Variants in LRP1B observed in about 807,000 individuals in gnomAD.
LRP1B encodes LDL receptor related protein 1B.
LRP1B carries 217 observed loss-of-function variants against 556.6 expected under a neutral mutation model. The observed-to-expected ratio is 0.39, with a 90% CI of 0.35 to 0.44. The LOEUF is 0.44. LRP1B is among the 20% of genes least tolerant of loss of function. The pLI is 1.00. For synonymous variants in LRP1B, 2,047 were observed against 1,865.8 expected, an observed-to-expected ratio of 1.10 and a Z score of -2.50; for missense variants, 5,053 against 5,620.8, an observed-to-expected ratio of 0.90 and a Z score of 3.23.
intron 3 of LRP1B, among the ~76,000 whole-genome samples, chr2:141,362,032 A>G (rs1485631793): frequency 6.6e-6 from 1 of 152,222 alleles, no homozygotes; most frequent in Non-Finnish European, 1.5e-5. Context: ...GGAATATTTA[A>G]TAGCTTCAAG....
chr2:140,487,471 G>T (rs1481846615), intron 58 of LRP1B, 146 bp downstream of exon 58: 8 of 610,496 alleles, frequency 1.3e-5, no homozygotes, highest in Non-Finnish European at 2.2e-5. Flanking sequence ...CATATTTAAA[G>T]TTTTAATCAC....
chr2:140,537,436 C>T (rs1447186515), intron 45 of LRP1B, among the ~76,000 whole-genome samples: 1 of 151,876 alleles, frequency 6.6e-6, no homozygotes, highest in Non-Finnish European at 1.5e-5. Context: ...TCTGGTCTTC[C>T]TCCCTAACTA....
At chr2:141,425,952 T>C (rs1050161432) in intron 3 of LRP1B, among the ~76,000 whole-genome samples, 1 of 149,960 alleles carries the variant, frequency 6.7e-6, no homozygotes, top group Non-Finnish European at 1.5e-5. Context: ...ATTTTGGCTT[T>C]TGTTGCCATT....
intron 35 of LRP1B, among the ~76,000 whole-genome samples, chr2:140,725,704 A>C (rs554888755): frequency 1.4e-4 from 21 of 151,868 alleles, no homozygotes; most frequent in South Asian, 1.2e-3. Context: ...AATAAATAAA[A>C]AAATAAATAA....
At chr2:140,843,983 G>A (rs1692197613) in intron 29 of LRP1B, among the ~76,000 whole-genome samples, 1 of 152,032 alleles carries the variant, frequency 6.6e-6, no homozygotes, top group Non-Finnish European at 1.5e-5. Context: ...TTAAGAGTAT[G>A]TGAACTGAGC....
intron 3 of LRP1B, among the ~76,000 whole-genome samples, chr2:141,398,830 G>T (rs1301588774): frequency 6.6e-6 from 1 of 152,232 alleles, no homozygotes; most frequent in Non-Finnish European, 1.5e-5. Context: ...AACAGCTCCA[G>T]TTGGATAGGA....
rs183047382 is a variant in LRP1B, at chr2:141,634,427, G to A, written c.206-153894C>T. On this transcript the variant is annotated intron_variant, in intron 2 of 90. Coordinates refer to ENST00000389484, the MANE Select transcript of LRP1B (RefSeq NM_018557.3). ...GATTTTAGAATATTGCCAAGTTCAA[G>A]CCCATTGTTTTGTAGATGAAAAAAA... Among the ~76,000 whole-genome samples the A allele has an allele frequency of 2.6e-5, 4 of 151,964 alleles. No homozygotes were observed. The East Asian group carries it at 7.7e-4, about 29-fold the overall frequency.
At position 140,991,851 on chromosome 2, in the gene LRP1B, G is replaced by A. The variant is rs58180789; in HGVS notation, c.2644+2144C>T. 6.9e-3 allele frequency among the ~76,000 whole-genome samples: 1,046 copies of A among 152,140 alleles called. 9 individuals are homozygous for A. The highest frequency in any genetic ancestry group is 0.023 in the African/African-American group (942 of 41,522). Reference sequence around the variant, plus strand: ...CATGTTTTGGAGATTTATAGTTCAAGTTGATAAAAATAAAAAGGGTAAATG... The same window carrying A: ...CATGTTTTGGAGATTTATAGTTCAAATTGATAAAAATAAAAAGGGTAAATG... On this transcript the variant is annotated intron_variant, in intron 16 of 90. Transcript: ENST00000389484.
chr2:141,253,151 G>A (rs991295688), intron 4 of LRP1B, among the ~76,000 whole-genome samples: 1 of 152,150 alleles, frequency 6.6e-6, no homozygotes, highest in African/African-American at 2.4e-5. Context: ...GGCAAGGGCT[G>A]TTTGGAAGTG....
At chr2:141,967,963 A>T (rs939723121) in intron 1 of LRP1B, among the ~76,000 whole-genome samples, 1 of 151,866 alleles carries the variant, frequency 6.6e-6, no homozygotes, top group Admixed American at 6.6e-5. Flanking sequence ...TTTTAAAAAA[A>T]GTATTAAATC....
At chr2:141,683,381 A>G (rs1691173707) in intron 2 of LRP1B, among the ~76,000 whole-genome samples, 1 of 152,144 alleles carries the variant, frequency 6.6e-6, no homozygotes, top group Non-Finnish European at 1.5e-5. Context: ...AACCTAAATT[A>G]TCATAAACAG....
intron 7 of LRP1B, among the ~76,000 whole-genome samples, chr2:141,062,806 C>G (rs1187994547): frequency 1.3e-5 from 2 of 151,758 alleles, no homozygotes; most frequent in East Asian, 3.9e-4. Context: ...AGAAATAAAA[C>G]ATAAATAATC....
intron 1 of LRP1B, among the ~76,000 whole-genome samples, chr2:141,812,715 A>G (rs1425868476): frequency 3.3e-5 from 5 of 152,128 alleles, no homozygotes; most frequent in African/African-American, 1.2e-4. Flanking sequence ...TAATAATAAA[A>G]CATGCTACAA....
chr2:142,011,158 G>T (rs1702948116), intron 1 of LRP1B, among the ~76,000 whole-genome samples: 1 of 151,988 alleles, frequency 6.6e-6, no homozygotes, highest in Non-Finnish European at 1.5e-5. Context: ...AGAAATCTTT[G>T]GGGAAAGACT....
chr2:140,244,555 A>G (rs1247205609), intron 87 of LRP1B, among the ~76,000 whole-genome samples: 2 of 151,302 alleles, frequency 1.3e-5, no homozygotes, highest in Non-Finnish European at 3.0e-5. Context: ...AAACTCTTCA[A>G]AATATCTTCA....
chr2:141,872,108 G>A (rs1698608259), intron 1 of LRP1B, among the ~76,000 whole-genome samples: 1 of 151,818 alleles, frequency 6.6e-6, no homozygotes, highest in African/African-American at 2.4e-5. Flanking sequence ...GAGAGAGCTT[G>A]GAAGGACACA....
intron 3 of LRP1B, among the ~76,000 whole-genome samples, chr2:141,278,227 G>A (rs1387145539): frequency 6.6e-6 from 1 of 152,122 alleles, no homozygotes; most frequent in African/African-American, 2.4e-5. Flanking sequence ...GGGGCTCAGA[G>A]AATTGCTCAG....
chr2:141,678,304 AC>A (rs1690965171), intron 2 of LRP1B, among the ~76,000 whole-genome samples: 1 of 152,198 alleles, frequency 6.6e-6, no homozygotes, highest in Non-Finnish European at 1.5e-5. Context: ...AGAAATACCA[AC>A]TAAAGAGTCT....
intron 7 of LRP1B, among the ~76,000 whole-genome samples, chr2:141,131,262 ATGC>A (rs897688870): frequency 1.2e-4 from 18 of 152,010 alleles, no homozygotes; most frequent in Admixed American, 2.0e-4. Flanking sequence ...TAAAAATTTT[ATGC>A]TGCTATTAAA....
Sources: allele counts gnomAD v4.1 joint callset (sites outside exome capture counted in the v4.1 genomes callset), GRCh38; gene constraint gnomAD v4.1.1; transcripts MANE v1.5; gene names NCBI Gene and HGNC (gene_info 2026-07-23, HGNC 2026-07-21).